Variants in DGKD observed in about 807,000 individuals in gnomAD.
DGKD encodes the protein DAG kinase delta.
DGKD carries 68 observed loss-of-function variants against 154.4 expected under a neutral mutation model. The observed-to-expected ratio is 0.44, with a 90% CI of 0.36 to 0.54. DGKD has a LOEUF of 0.54. DGKD is among the 20% of genes least tolerant of loss of function. DGKD has a pLI of 0.00. For synonymous variants in DGKD, 693 were observed against 638.0 expected, an observed-to-expected ratio of 1.09 and a Z score of -1.30; for missense variants, 1,343 against 1,593.6, an observed-to-expected ratio of 0.84 and a Z score of 2.68.
rs1015339007 is a variant in DGKD at position 233,434,645 on chromosome 2, C to T, written c.454-124C>T. On this transcript the variant is annotated intron_variant, in intron 4 of 29. Transcript: ENST00000264057. ...GCTTATTGCTTGTCCTCTCAGCAGA[C>T]CTGTCCTTTATAAACCTTCCTCCTC... The T allele has an allele frequency of 5.3e-6, 8 of 1,496,304 alleles. No homozygotes were observed. In the African/African-American group the frequency reaches 8.4e-5, roughly 16 times the overall value. 92.7% of individuals were successfully genotyped at this position (1,496,304 alleles called of 1,614,324 possible).
intron 1 of DGKD, among the ~76,000 whole-genome samples, chr2:233,382,614 G>A (rs1702957957): frequency 6.6e-6 from 1 of 152,108 alleles, no homozygotes; most frequent in South Asian, 2.1e-4. Context: ...CTCTTGGTCA[G>A]TCCCCTCCAT....
At chr2:233,382,860 C>T (rs186679044) in intron 1 of DGKD, among the ~76,000 whole-genome samples, 1 of 152,264 alleles carries the variant, frequency 6.6e-6, no homozygotes, top group East Asian at 1.9e-4. Context: ...GTGGACCCAC[C>T]TGCGCGGCTG....
At chr2:233,392,718 G>A (rs538386236) in intron 3 of DGKD, among the ~76,000 whole-genome samples, 2 of 152,294 alleles carry the variant, frequency 1.3e-5, no homozygotes, top group South Asian at 4.1e-4. Flanking sequence ...AGATAAGGCT[G>A]TAATAGAAAT....
intron 19 of DGKD, among the ~76,000 whole-genome samples, chr2:233,455,271 A>T (rs919211747): frequency 6.6e-6 from 1 of 152,178 alleles, no homozygotes; most frequent in Non-Finnish European, 1.5e-5. Flanking sequence ...GCCCTCCCCC[A>T]TCACACCCGA....
chr2:233,377,689 A>G (rs1160873017), intron 1 of DGKD, among the ~76,000 whole-genome samples: 1 of 152,108 alleles, frequency 6.6e-6, no homozygotes, highest in Admixed American at 6.5e-5. Flanking sequence ...GAGTAAATGC[A>G]TGAATAACTG....
At chr2:233,380,906 A>G (rs897717313) in intron 1 of DGKD, among the ~76,000 whole-genome samples, 6 of 152,070 alleles carry the variant, frequency 3.9e-5, no homozygotes, top group African/African-American at 1.5e-4. Context: ...AGGCTTTGGC[A>G]TAGGAGCTTT....
chr2:233,384,493 C>T (rs906948091), intron 1 of DGKD, among the ~76,000 whole-genome samples: 1 of 152,124 alleles, frequency 6.6e-6, no homozygotes, highest in African/African-American at 2.4e-5. Context: ...AGCTGGCCGT[C>T]GCCTTACACT....
intron 1 of DGKD, among the ~76,000 whole-genome samples, chr2:233,368,426 C>T (rs1313009185): frequency 2.0e-5 from 3 of 152,056 alleles, no homozygotes; most frequent in Admixed American, 6.6e-5. Context: ...GCAGGAGAAT[C>T]GCATGAACCC....
At chr2:233,461,250 G>A (rs939570381) in intron 24 of DGKD, among the ~76,000 whole-genome samples, 16 of 152,234 alleles carry the variant, frequency 1.1e-4, no homozygotes, top group Non-Finnish European at 5.9e-5. Context: ...ACGCTGGCTG[G>A]TGCCCTGGTG....
In DGKD at chr2:233,436,324, G is replaced by A. The variant is rs988028654; in HGVS notation, c.702G>A (p.Met234Ile). Residue 234 changes from methionine to isoleucine, a missense_variant, in exon 7 of 30, where the codon ATG becomes ATA. This residue lies in a region of DGKD where 332 missense variants were observed against 400.1 expected (regional missense o/e 0.83). Transcript: ENST00000264057. ...CCTCTGTTTGGTTGCAGATTGCAATGCCCCACCAGTGGTTGGAAGGAAACC... is the reference window on the plus strand; with the variant it reads ...CCTCTGTTTGGTTGCAGATTGCAATACCCCACCAGTGGTTGGAAGGAAACC... ...DIIEDADGIA[M>I]PHQWLEGNLP... The A allele has an allele frequency of 6.2e-7, 1 of 1,614,226 alleles. No homozygotes were observed. The highest frequency in any genetic ancestry group is 8.5e-7 in the Non-Finnish European group (1 of 1,180,046).
intron 3 of DGKD, among the ~76,000 whole-genome samples, chr2:233,405,754 T>A (rs192417841): frequency 2.0e-5 from 3 of 152,220 alleles, no homozygotes; most frequent in Non-Finnish European, 4.4e-5. Flanking sequence ...TTTAAAATTA[T>A]CTAGTCTGTG....
intron 18 of DGKD, 199 bp from the exon 19 acceptor site, chr2:233,454,562 ACT>A (rs1013056302): frequency 1.8e-6 from 1 of 559,834 alleles, no homozygotes; most frequent in Non-Finnish European, 3.3e-6. Context: ...TGGTTAAATG[ACT>A]CTGAATATAC....
Position 233,455,607 on chromosome 2 carries a change from C to T in DGKD, c.2375+734C>T, listed in dbSNP as rs559523633. 2.1e-3 allele frequency among the ~76,000 whole-genome samples: 313 copies of T among 152,130 alleles called. 1 individual carries two copies. The highest frequency in any genetic ancestry group is 2.4e-3 in the Non-Finnish European group (162 of 68,016). On this transcript the variant is annotated intron_variant, in intron 19 of 29. Transcript: ENST00000264057. ...AGGGAGAAATGAGTGTGGGGGTTGA[C>T]GGTGTTTGTGCAGAGAACAGCCCTT...
chr2:233,356,172 G>A (rs990856867), intron 1 of DGKD, among the ~76,000 whole-genome samples: 3 of 152,224 alleles, frequency 2.0e-5, no homozygotes, highest in African/African-American at 7.2e-5. Context: ...AGGCTAAGTG[G>A]GTAAGAAATG....
intron 1 of DGKD, among the ~76,000 whole-genome samples, chr2:233,383,067 T>G (rs1702984256): frequency 6.7e-6 from 1 of 149,722 alleles, no homozygotes; most frequent in African/African-American, 2.5e-5. Flanking sequence ...TGAGAGGGAG[T>G]TTCACTCTTG....
At chr2:233,392,969 TTTA>T (rs1703730430) in intron 3 of DGKD, among the ~76,000 whole-genome samples, 1 of 152,224 alleles carries the variant, frequency 6.6e-6, no homozygotes, top group Non-Finnish European at 1.5e-5. Context: ...TTTCTTTGTT[TTTA>T]AAGAGAACTA....
intron 18 of DGKD, among the ~76,000 whole-genome samples, chr2:233,453,845 TCTC>T (rs2063370063): frequency 6.6e-6 from 1 of 152,196 alleles, no homozygotes; most frequent in Non-Finnish European, 1.5e-5. Flanking sequence ...ATGAGTCTCT[TCTC>T]GTCTGTCGCA....
Position 233,462,631 on chromosome 2 carries a change from G to A in DGKD, c.3094-12G>A. The A allele has an allele frequency of 6.2e-7, 1 of 1,613,368 alleles. No individual in the cohort carries two copies. The highest frequency in any genetic ancestry group is 8.5e-7 in the Non-Finnish European group (1 of 1,179,400). On this transcript the variant is annotated splice_polypyrimidine_tract_variant and intron_variant, in intron 25 of 29. Coordinates refer to ENST00000264057, the MANE Select transcript of DGKD (RefSeq NM_152879.3). ...CCCCCGCCCCCATGCATATTTGCCT[G>A]GTTTCTTCTAGGGGCTCAACTGCAG...
Position 233,463,392 on chromosome 2 carries a change from ACATCTCCTCACTCCACG to A in DGKD, c.3186+712_3187-701del, listed in dbSNP as rs1393963903. Among the ~76,000 whole-genome samples the A allele has an allele frequency of 2.3e-3, 162 of 69,954 alleles. 2 individuals carry two copies. Among genetic ancestry groups the A allele is most frequent in the Non-Finnish European group, 3.3e-3 (115 of 34,832 alleles). The allele number at this position is 69,954 out of a possible 152,430, so 45.9% of individuals were successfully genotyped here. A position where few individuals can be genotyped will look rare whatever the true frequency, so the allele number is the denominator to read the frequency against. ...CACTCCACACATCTCCTCACTCCACACATCTCCTCACTCCACGCATCTCCTCACTCCACGCATCTCCT... is the reference window on the plus strand; with the variant it reads ...CACTCCACACATCTCCTCACTCCACACATCTCCTCACTCCACGCATCTCCT... On this transcript the variant is annotated intron_variant, in intron 26 of 29. Coordinates refer to ENST00000264057, the MANE Select transcript of DGKD (RefSeq NM_152879.3).
Sources: gnomAD v4.1 joint callset for allele counts (sites outside exome capture counted in the v4.1 genomes callset) on GRCh38, gnomAD v4.1.1 for gene constraint, gnomAD v4.1.1 regional missense constraint, MANE v1.5 for transcripts, NCBI Gene and HGNC (gene_info 2026-07-23, HGNC 2026-07-21) for gene names.